SMPD3: variants seen among roughly 807,000 people sequenced by gnomAD.
SMPD3 encodes nSMase-2.
Under a neutral mutation model 55.7 loss-of-function variants are expected in SMPD3, and 21 were observed. The observed-to-expected ratio is 0.38, with a 90% confidence interval of 0.27 to 0.54. The LOEUF (loss-of-function observed/expected upper bound fraction) is 0.54. SMPD3 is among the 20% of genes least tolerant of loss of function. SMPD3 has a pLI of 0.80. For synonymous variants in SMPD3, 457 were observed against 404.3 expected (o/e 1.13, Z -1.56); for missense variants, 842 against 899.6 (o/e 0.94, Z 0.82).
chr16:68,380,971 G>T (rs770073640), intron 2 of SMPD3, among the ~76,000 whole-genome samples: 8 of 152,304 alleles, frequency 5.3e-5, no homozygotes, highest in South Asian at 2.1e-4. Flanking sequence ...CAGAACAGAC[G>T]GGCTAACATT....
In SMPD3 at chr16:68,359,617, G is replaced by A. The variant is rs1451562478; in HGVS notation, c.*1589C>T. The A allele has an allele frequency of 6.5e-6, 1 of 152,744 alleles. No homozygotes were observed. Among genetic ancestry groups the A allele is most frequent in the Non-Finnish European group, 1.5e-5 (1 of 68,064 alleles). 9.5% of individuals were successfully genotyped at this position (152,744 alleles called of 1,614,324 possible). On this transcript the variant is annotated 3_prime_UTR_variant, in exon 9 of 9. Transcript: ENST00000219334. ...GCATCAGGGCACCAGCACCAGGAGG[G>A]GCTGACAGCAGACAGCAGGTCCTGG...
intron 3 of SMPD3, 66 bp from the exon 4 acceptor site, chr16:68,365,158 G>T: frequency 6.5e-7 from 1 of 1,539,274 alleles, no homozygotes; most frequent in South Asian, 1.1e-5. Flanking sequence ...ACAGGACACT[G>T]GCAGTGCCCA....
chr16:68,387,199 G>A (rs1341985396), intron 1 of SMPD3, among the ~76,000 whole-genome samples: 1 of 152,104 alleles, frequency 6.6e-6, no homozygotes, highest in South Asian at 2.1e-4. Context: ...AGGGGAGGAA[G>A]AGCAACATTG....
rs765520970 is a variant in SMPD3, at chr16:68,447,641, G to A, written c.-269+712C>T. On this transcript the variant is annotated intron_variant, in intron 1 of 8. Transcript: ENST00000219334. This position sits in a 1 kb window ranked among gnomAD's most constrained non-coding sequence, Gnocchi z 5.1. ...AGTGCTTTCCTCCACCCGCGACTCC[G>A]AGAAGGATGGGGAGGGGTCTCCCAG... 6.6e-6 allele frequency among the ~76,000 whole-genome samples: 1 copy of A among 152,202 alleles called. No homozygotes were observed. The highest frequency in any genetic ancestry group is 1.5e-5 in the Non-Finnish European group (1 of 68,022).
intron 2 of SMPD3, among the ~76,000 whole-genome samples, chr16:68,378,082 A>G (rs1287486184): frequency 2.0e-5 from 3 of 152,156 alleles, no homozygotes; most frequent in Non-Finnish European, 2.9e-5. Flanking sequence ...CAGGGCTGGG[A>G]GTCCCAGAGC....
chr16:68,360,766 T>A lies in SMPD3; in HGVS notation c.*440A>T, dbSNP rs1434515445. On this transcript the variant is annotated 3_prime_UTR_variant, in exon 9 of 9. Coordinates refer to ENST00000219334, the MANE Select transcript of SMPD3 (RefSeq NM_018667.4). ...CCTTGGGTGAGGCCCGAGCAAGGGG[T>A]CTGTGGCTACAGCGTGGCACGTGGC... 1.2e-5 allele frequency: 2 copies of A among 165,206 alleles called. No homozygotes were observed. Among genetic ancestry groups the A allele is most frequent in the Non-Finnish European group, 2.6e-5 (2 of 75,684 alleles). 10.2% of individuals were successfully genotyped at this position (165,206 alleles called of 1,614,324 possible). A position where few individuals can be genotyped will look rare whatever the true frequency, so the allele number is the denominator to read the frequency against.
chr16:68,379,411 C>T (rs951183132), intron 2 of SMPD3, among the ~76,000 whole-genome samples: 5 of 152,234 alleles, frequency 3.3e-5, no homozygotes, highest in South Asian at 2.1e-4. Flanking sequence ...AGATGGTGCA[C>T]GTGCAGCACC....
intron 8 of SMPD3, 80 bp downstream of exon 8, chr16:68,361,523 G>A: frequency 6.4e-7 from 1 of 1,562,958 alleles, no homozygotes; most frequent in Non-Finnish European, 8.6e-7. Flanking sequence ...GGGGTTTCAG[G>A]GAGCGGCTGT....
chr16:68,391,120 G>A (rs1000617877), intron 1 of SMPD3, among the ~76,000 whole-genome samples: 14 of 152,216 alleles, frequency 9.2e-5, no homozygotes, highest in African/African-American at 3.4e-4. Context: ...AACTCTGCTA[G>A]TAAATAATTG....
chr16:68,371,590 G>A lies in SMPD3; in HGVS notation c.592C>T (p.Arg198Trp), dbSNP rs1336209746. The change falls in exon 3 of 9, where the codon CGG (arginine) becomes TGG (tryptophan). Residue 198 changes from arginine (R) to tryptophan (W), a missense_variant. This residue lies in a region of SMPD3 where 649 missense variants were observed against 643.6 expected (regional missense o/e 1.01). Coordinates refer to ENST00000219334, the MANE Select transcript of SMPD3 (RefSeq NM_018667.4). ...VSPQGGDGVA[R>W]AVPGSIKRTA... is the part of the protein sequence containing the mutation. Reference sequence around the variant, plus strand: ...CTCTTAATGCTCCCGGGGACGGCCCGGGCCACCCCATCGCCGCCCTGTGGT... The same window carrying A: ...CTCTTAATGCTCCCGGGGACGGCCCAGGCCACCCCATCGCCGCCCTGTGGT... 5.1e-6 allele frequency: 8 copies of A among 1,575,608 alleles called. No individual in the cohort carries two copies. The highest frequency in any genetic ancestry group is 1.2e-5 in the South Asian group (1 of 85,650).
intron 1 of SMPD3, among the ~76,000 whole-genome samples, chr16:68,433,364 T>TA (rs2090495706): frequency 6.6e-6 from 1 of 152,252 alleles, no homozygotes; most frequent in Non-Finnish European, 1.5e-5. Context: ...CAGGCACATC[T>TA]ACCTGCATCT....
In SMPD3 at chr16:68,371,270, C is replaced by T. The variant is rs756287941; in HGVS notation, c.912G>A (p.Lys304=). The T allele has an allele frequency of 1.5e-5, 24 of 1,606,276 alleles. No individual in the cohort carries two copies. The highest frequency in any genetic ancestry group is 2.0e-5 in the Non-Finnish European group (24 of 1,178,832). Residue 304 remains lysine (K), a synonymous_variant, in exon 3 of 9, where the codon AAG becomes AAA. Transcript: ENST00000219334. ...CACTGGTGTCTGGCCCAGCTCGCCC[C>T]TTCACCAGGGACTCCCGGGAGGCCG... ...SPSASRESLV[K]GRAGPDTSAS...
intron 1 of SMPD3, among the ~76,000 whole-genome samples, chr16:68,431,685 G>C (rs1011644585): frequency 6.6e-6 from 1 of 152,236 alleles, no homozygotes; most frequent in Non-Finnish European, 1.5e-5. Flanking sequence ...ACTTTGGGAG[G>C]CCAAGGCAGG....
rs1181321999 is a variant in SMPD3, at chr16:68,363,857, A to G, written c.1565T>C (p.Leu522Pro). 1 of 1,563,750 alleles carries G rather than the reference A, an allele frequency of 6.4e-7. No individual in the cohort carries two copies. The highest frequency in any genetic ancestry group is 1.9e-5 in the Admixed American group (1 of 52,576). The change falls in exon 6 of 9, where the codon CTG becomes CCG. Residue 522 changes from leucine to proline, a missense_variant. Leu to Pro is a moderately conservative substitution (Grantham distance 98, BLOSUM62 -3). Around this residue, in one of 2 missense-constraint regions of SMPD3, gnomAD observed 649 missense variants for 643.6 expected, o/e 1.01. Coordinates refer to ENST00000219334, the MANE Select transcript of SMPD3 (RefSeq NM_018667.4). The part of the protein sequence containing the change: ...NFDNCSSDDK[L>P]EQQHSLFTHY... ...GGTGAACAGGGAGTGTTGCTGCTCC[A>G]GCTTGTCGTCTGTGCGGGGAGGGAG... is the stretch of plus-strand genomic sequence containing the variant.
rs2089656249 is a variant in SMPD3 at position 68,371,232 on chromosome 16, G to A, written c.950C>T (p.Pro317Leu). ...GTACAGGAGCTTGCTGTTGGCACCTGGCTCCCCGCTGGCACTGGTGTCTGG... is the reference window on the plus strand; with the variant it reads ...GTACAGGAGCTTGCTGTTGGCACCTAGCTCCCCGCTGGCACTGGTGTCTGG... ...AGPDTSASGE[P>L]GANSKLLYKA... The change falls in exon 3 of 9, where the codon CCA (proline) becomes CTA (leucine). Residue 317 changes from proline to leucine, a missense_variant. By Grantham distance (98) the Pro-to-Leu change is moderately conservative. Transcript: ENST00000219334. 6.2e-7 allele frequency: 1 copy of A among 1,607,042 alleles called. No homozygotes were observed. Among genetic ancestry groups the A allele is most frequent in the Non-Finnish European group, 8.5e-7 (1 of 1,177,432 alleles).
rs142219151 is a variant in SMPD3 at position 68,388,627 on chromosome 16, C to T, written c.-268-1968G>A. Among the ~76,000 whole-genome samples, 23 of 151,816 alleles carry T rather than the reference C, an allele frequency of 1.5e-4. 1 individual carries two copies. In the East Asian group the frequency reaches 4.1e-3, roughly 27 times the overall value. ...AAACTGTCCCCCACCAGCTGCACAG[C>T]CCCCTCCCCACTCTCCACCCCACTC... On this transcript the variant is annotated intron_variant, in intron 1 of 8. Coordinates refer to ENST00000219334, the MANE Select transcript of SMPD3 (RefSeq NM_018667.4).
intron 2 of SMPD3, among the ~76,000 whole-genome samples, chr16:68,372,878 G>GA (rs544604448): frequency 8.0e-4 from 122 of 152,298 alleles, no homozygotes; most frequent in Non-Finnish European, 1.2e-3. Flanking sequence ...GACAGAGCAG[G>GA]AAAAAACAGC....
At chr16:68,420,234 T>C (rs940118908) in intron 1 of SMPD3, among the ~76,000 whole-genome samples, 3 of 152,174 alleles carry the variant, frequency 2.0e-5, no homozygotes, top group Admixed American at 6.5e-5. Flanking sequence ...TGAGCCACCA[T>C]GCCCGGCCAT....
intron 1 of SMPD3, among the ~76,000 whole-genome samples, chr16:68,424,951 A>G (rs569407790): frequency 6.6e-6 from 1 of 152,206 alleles, no homozygotes; most frequent in Non-Finnish European, 1.5e-5. Context: ...GTCTCAAGTG[A>G]TCTGCCCACC....
Sources: allele counts gnomAD v4.1 joint callset (sites outside exome capture counted in the v4.1 genomes callset), GRCh38; gene constraint gnomAD v4.1.1; regional missense constraint gnomAD v4.1.1; non-coding constraint Gnocchi (gnomAD v3.1); transcripts MANE v1.5; gene names NCBI Gene and HGNC (gene_info 2026-07-23, HGNC 2026-07-21).